NEK1: variants seen among roughly 807,000 people sequenced by gnomAD.
NEK1 encodes the protein NIMA related kinase 1.
Under a neutral mutation model 182.1 loss-of-function variants are expected in NEK1, and 137 were observed. The ratio of observed to expected loss-of-function variants is 0.75; its 90% CI spans 0.65 to 0.87. The LOEUF is 0.87. Among genes scored for constraint, NEK1 ranks in the 40% least tolerant of loss-of-function variants. The pLI is 0.00. For synonymous variants in NEK1, 513 were observed against 492.2 expected (o/e 1.04, Z -0.56); for missense variants, 1,391 against 1,494.4 (o/e 0.93, Z 1.14).
chr4:169,409,823 G>A (rs1457945689), intron 31 of NEK1, among the ~76,000 whole-genome samples: 1 of 152,096 alleles, frequency 6.6e-6, no homozygotes, highest in African/African-American at 2.4e-5. Context: ...GTGTAAGGTG[G>A]TATCTCATTG....
chr4:169,491,152 AAAAAAAAAAAAG>A (rs1202550721), intron 23 of NEK1, among the ~76,000 whole-genome samples: 2 of 146,784 alleles, frequency 1.4e-5, no homozygotes, highest in East Asian at 1.9e-4. Flanking sequence ...AAAAAAAAAA[AAAAAAAAAAAAG>A]AGAGATGGAG....
intron 29 of NEK1, among the ~76,000 whole-genome samples, chr4:169,430,585 C>G (rs1366572050): frequency 6.6e-6 from 1 of 151,948 alleles, no homozygotes; most frequent in Admixed American, 6.6e-5. Context: ...TCAGTGGCTG[C>G]CAGGGATTGT....
intron 2 of NEK1, among the ~76,000 whole-genome samples, chr4:169,605,426 AC>A (rs1771177834): frequency 6.6e-6 from 1 of 152,252 alleles, no homozygotes; most frequent in South Asian, 2.1e-4. Context: ...AGGAAAACAG[AC>A]AAACTCTCCT....
intron 5 of NEK1, among the ~76,000 whole-genome samples, chr4:169,598,553 A>C (rs1769945377): frequency 6.6e-6 from 1 of 152,218 alleles, no homozygotes; most frequent in East Asian, 1.9e-4. Flanking sequence ...TGAGATGTAC[A>C]AACATGTGGC....
At chr4:169,561,340 A>G (rs1762870593) in intron 16 of NEK1, 140 bp downstream of exon 16, 5 of 713,308 alleles carry the variant, frequency 7.0e-6, no homozygotes, top group Non-Finnish European at 1.2e-5. Context: ...AAGTATTCAT[A>G]ATAAATGTTA....
chr4:169,504,565 A>T (rs1160342578), intron 23 of NEK1, among the ~76,000 whole-genome samples: 1 of 152,140 alleles, frequency 6.6e-6, no homozygotes, highest in Non-Finnish European at 1.5e-5. Context: ...ATAGAATGAG[A>T]TCCTGTCATT....
At chr4:169,535,824 G>A (rs1400904010) in intron 19 of NEK1, among the ~76,000 whole-genome samples, 1 of 148,520 alleles carries the variant, frequency 6.7e-6, no homozygotes, top group Non-Finnish European at 1.5e-5. Context: ...AGGTTGCAGT[G>A]AGCCGAGACT....
At chr4:169,499,139 C>T (rs950949416) in intron 23 of NEK1, among the ~76,000 whole-genome samples, 4 of 152,190 alleles carry the variant, frequency 2.6e-5, no homozygotes, top group Admixed American at 6.5e-5. Flanking sequence ...CTTCTCGCTT[C>T]ATTTCATTCA....
At chr4:169,605,094 A>G (rs2150150345) in intron 2 of NEK1, among the ~76,000 whole-genome samples, 1 of 152,354 alleles carries the variant, frequency 6.6e-6, no homozygotes, top group South Asian at 2.1e-4. Context: ...AAATTAAATA[A>G]TAGCCATATA....
At chr4:169,422,829 T>C (rs1735713540) in intron 31 of NEK1, among the ~76,000 whole-genome samples, 2 of 152,198 alleles carry the variant, frequency 1.3e-5, no homozygotes, top group Non-Finnish European at 1.5e-5. Context: ...ATTAACTTTA[T>C]AGATGGCAAT....
At chr4:169,513,219 A>G (rs1754481122) in intron 19 of NEK1, among the ~76,000 whole-genome samples, 1 of 152,154 alleles carries the variant, frequency 6.6e-6, no homozygotes, top group Non-Finnish European at 1.5e-5. Flanking sequence ...TGATTCATAA[A>G]CAATGTATCT....
chr4:169,580,766 A>C (rs1277756756), intron 11 of NEK1, 76 bp downstream of exon 11: 1 of 847,748 alleles, frequency 1.2e-6, no homozygotes. Context: ...AACTTACTAC[A>C]TCTACATATA....
chr4:169,447,299 A>G (rs1244952344), intron 27 of NEK1, among the ~76,000 whole-genome samples: 1 of 152,252 alleles, frequency 6.6e-6, no homozygotes, highest in Non-Finnish European at 1.5e-5. Context: ...ATCCTAAAAT[A>G]GTATATCCAG....
intron 18 of NEK1, among the ~76,000 whole-genome samples, chr4:169,541,785 T>A (rs1387730196): frequency 6.6e-6 from 1 of 152,168 alleles, no homozygotes; most frequent in African/African-American, 2.4e-5. Flanking sequence ...AATATTCCCA[T>A]ATTCCCATCT....
At chr4:169,460,074 C>T (rs1043175244) in intron 27 of NEK1, among the ~76,000 whole-genome samples, 2 of 152,032 alleles carry the variant, frequency 1.3e-5, no homozygotes, top group Non-Finnish European at 2.9e-5. Context: ...AACAAACGTA[C>T]CTCTCTGGTG....
chr4:169,465,404 G>A (rs1744738004), intron 26 of NEK1, among the ~76,000 whole-genome samples: 1 of 152,086 alleles, frequency 6.6e-6, no homozygotes, highest in African/African-American at 2.4e-5. Context: ...TGAGGAGGTG[G>A]AAATGGGAGT....
chr4:169,554,263 A>T (rs1241165877), intron 18 of NEK1: 1 of 152,156 alleles, frequency 6.6e-6, no homozygotes, highest in African/African-American at 2.4e-5. Flanking sequence ...CAAAAAATTT[A>T]AAAAATCAGC....
At chr4:169,547,737 A>G (rs2149866899) in intron 18 of NEK1, among the ~76,000 whole-genome samples, 1 of 152,126 alleles carries the variant, frequency 6.6e-6, no homozygotes, top group East Asian at 1.9e-4. Context: ...TCAATCTCTG[A>G]TATCCTTTTC....
chr4:169,495,307 G>A (rs1224487867), intron 23 of NEK1, among the ~76,000 whole-genome samples: 36 of 146,136 alleles, frequency 2.5e-4, no homozygotes, highest in South Asian at 4.5e-4. Flanking sequence ...GCAGTGGCGC[G>A]ATCTCGACTC....
Sources: allele counts gnomAD v4.1 joint callset (sites outside exome capture counted in the v4.1 genomes callset), GRCh38; gene constraint gnomAD v4.1.1; transcripts MANE v1.5; gene names NCBI Gene and HGNC (gene_info 2026-07-23, HGNC 2026-07-21).